The following SSBP2 variants were observed in gnomAD, a reference collection of about 807,000 sequenced individuals.
SSBP2 encodes single-stranded DNA-binding protein 2.
SSBP2 carries 17 observed loss-of-function variants against 61.8 expected under a neutral mutation model. The ratio of observed to expected loss-of-function variants is 0.28; its 90% CI spans 0.19 to 0.41. The LOEUF is 0.41. SSBP2 is among the 10% of genes least tolerant of loss of function. The pLI, the probability that SSBP2 is intolerant of heterozygous loss-of-function variation, is 1.00. For missense variants in SSBP2, 310 were observed against 458.7 expected (o/e 0.68, Z 2.96); for synonymous variants, 139 against 141.3 (o/e 0.98, Z 0.12).
At chr5:81,735,705 AAGAT>A (rs1756554918) in intron 1 of SSBP2, among the ~76,000 whole-genome samples, 1 of 152,234 alleles carries the variant, frequency 6.6e-6, no homozygotes, top group South Asian at 2.1e-4. Flanking sequence ...TTTAAATAAT[AAGAT>A]AATTTTAATA....
At chr5:81,610,006 C>T (rs933577407) in intron 4 of SSBP2, among the ~76,000 whole-genome samples, 3 of 152,206 alleles carry the variant, frequency 2.0e-5, no homozygotes, top group Non-Finnish European at 2.9e-5. Flanking sequence ...CTCTGCCCTT[C>T]TCACCCTTCA....
rs183214427 is a variant in SSBP2 at position 81,699,500 on chromosome 5, C to G, written c.63-49161G>C. ...AGATTCTATCTCAAGAAACCACTTT[C>G]TTTGCTCATCCATAAGAAATAACTC... On this transcript the variant is annotated intron_variant, in intron 1 of 16. Transcript: ENST00000320672. 5.9e-5 allele frequency among the ~76,000 whole-genome samples: 9 copies of G among 152,344 alleles called. No individual in the cohort carries two copies. The East Asian group carries it at 1.7e-3, about 29-fold the overall frequency.
At chr5:81,701,029 G>C (rs1374928810) in intron 1 of SSBP2, among the ~76,000 whole-genome samples, 3 of 151,836 alleles carry the variant, frequency 2.0e-5, no homozygotes, top group Non-Finnish European at 2.9e-5. Flanking sequence ...CAACTTGGCT[G>C]TTTGGCACAA....
chr5:81,422,842 T>C (rs916896490), intron 16 of SSBP2, among the ~76,000 whole-genome samples: 7 of 152,232 alleles, frequency 4.6e-5, no homozygotes, highest in Admixed American at 4.6e-4. Flanking sequence ...CAGAGTACCA[T>C]TTCATCACAT....
chr5:81,744,434 C>G (rs58821505), intron 1 of SSBP2, among the ~76,000 whole-genome samples: 11,732 of 152,002 alleles, frequency 0.077, 1,491 homozygotes, highest in African/African-American at 0.27. Context: ...TCATCAATTC[C>G]TCACCCAACT....
intron 1 of SSBP2, among the ~76,000 whole-genome samples, chr5:81,653,054 C>T (rs1352309566): frequency 1.3e-5 from 2 of 151,866 alleles, no homozygotes; most frequent in African/African-American, 4.8e-5. Flanking sequence ...CTCATCAACC[C>T]CTCATCTACA....
chr5:81,648,672 GC>G (rs1315253286), intron 2 of SSBP2, among the ~76,000 whole-genome samples: 5 of 151,986 alleles, frequency 3.3e-5, no homozygotes, highest in African/African-American at 1.2e-4. Flanking sequence ...ACAAATAAGA[GC>G]CACATGTATA....
intron 4 of SSBP2, among the ~76,000 whole-genome samples, chr5:81,560,581 C>T (rs1413699016): frequency 3.9e-5 from 6 of 152,192 alleles, no homozygotes; most frequent in African/African-American, 7.2e-5. Context: ...CGCTTTCCTA[C>T]ACCTTATTCT....
chr5:81,654,803 G>T (rs961606011), intron 1 of SSBP2, among the ~76,000 whole-genome samples: 2 of 152,070 alleles, frequency 1.3e-5, no homozygotes, highest in African/African-American at 4.8e-5. Context: ...ACAGCTTGGT[G>T]CCATGTCTAG....
chr5:81,750,776 C>T (rs1444965115), intron 1 of SSBP2: 4 of 603,152 alleles, frequency 6.6e-6, no homozygotes, highest in Non-Finnish European at 1.2e-5. Context: ...CGACAGCCCC[C>T]TGCGGCCGCC....
intron 10 of SSBP2, 81 bp from the exon 11 acceptor site, chr5:81,448,906 T>G: frequency 1.7e-6 from 2 of 1,168,998 alleles, no homozygotes; most frequent in Non-Finnish European, 2.5e-6. Flanking sequence ...ATTTCATGAT[T>G]TTTTGTCAAG....
chr5:81,696,875 C>A (rs1433106543), intron 1 of SSBP2, among the ~76,000 whole-genome samples: 4 of 152,150 alleles, frequency 2.6e-5, no homozygotes, highest in African/African-American at 9.7e-5. Context: ...GCACCGTATT[C>A]CTCACCTGGC....
At position 81,652,266 on chromosome 5, in the gene SSBP2, G is replaced by A. The variant is rs543290360; in HGVS notation, c.63-1927C>T. On this transcript the variant is annotated intron_variant, in intron 1 of 16. Coordinates refer to ENST00000320672, the MANE Select transcript of SSBP2 (RefSeq NM_012446.5). ...TTTAAGTGAGTTACCTCCTTGTAACGTCTTCTTTTTCATATTAACGGGGGT... is the reference window on the plus strand; with the variant it reads ...TTTAAGTGAGTTACCTCCTTGTAACATCTTCTTTTTCATATTAACGGGGGT... Among the ~76,000 whole-genome samples, 8 of 152,186 alleles carry A rather than the reference G, an allele frequency of 5.3e-5. No individual in the cohort carries two copies. The South Asian group carries it at 1.2e-3, about 24-fold the overall frequency.
intron 4 of SSBP2, among the ~76,000 whole-genome samples, chr5:81,588,045 G>T (rs1775207516): frequency 6.6e-6 from 1 of 152,118 alleles, no homozygotes; most frequent in East Asian, 1.9e-4. Context: ...GTTCACTGCA[G>T]TCTCAACATC....
chr5:81,496,879 T>C (rs1257408905), intron 5 of SSBP2, among the ~76,000 whole-genome samples: 1 of 152,190 alleles, frequency 6.6e-6, no homozygotes, highest in Non-Finnish European at 1.5e-5. Flanking sequence ...GGTCAGTTGG[T>C]CACAAAAAGC....
intron 15 of SSBP2, among the ~76,000 whole-genome samples, chr5:81,429,135 A>G (rs929587885): frequency 6.6e-6 from 1 of 152,214 alleles, no homozygotes; most frequent in African/African-American, 2.4e-5. Flanking sequence ...TTCTACATGC[A>G]GTATACAGAT....
At chr5:81,567,794 A>C (rs1206846284) in intron 4 of SSBP2, among the ~76,000 whole-genome samples, 1 of 152,216 alleles carries the variant, frequency 6.6e-6, no homozygotes, top group Non-Finnish European at 1.5e-5. Context: ...TGTGAGACAC[A>C]GAGTCAAAGG....
At chr5:81,422,574 G>C (rs919253094) in intron 16 of SSBP2, among the ~76,000 whole-genome samples, 2 of 152,104 alleles carry the variant, frequency 1.3e-5, no homozygotes, top group African/African-American at 4.8e-5. Context: ...TTCAGTACAG[G>C]AAAGTGAAAT....
At chr5:81,614,370 A>AAAG (rs1269999394) in intron 4 of SSBP2, among the ~76,000 whole-genome samples, 2 of 151,238 alleles carry the variant, frequency 1.3e-5, no homozygotes, top group African/African-American at 4.9e-5. Context: ...AAAAAAAAAA[A>AAAG]AAAAAAAAAA....
Sources: gnomAD v4.1 joint callset for allele counts (sites outside exome capture counted in the v4.1 genomes callset) on GRCh38, gnomAD v4.1.1 for gene constraint, MANE v1.5 for transcripts, NCBI Gene and HGNC (gene_info 2026-07-23, HGNC 2026-07-21) for gene names.